The following STK32B variants were observed in gnomAD, a reference collection of about 807,000 sequenced individuals.
STK32B encodes serine/threonine-protein kinase 32B.
STK32B carries 43 observed loss-of-function variants against 52.6 expected under a neutral mutation model. The ratio of observed to expected loss-of-function variants is 0.82; its 90% CI spans 0.64 to 1.05. STK32B has a LOEUF of 1.05. Ranked by LOEUF, STK32B falls within the 50% of genes least tolerant of loss-of-function variation. STK32B has a pLI of 0.00. For synonymous variants in STK32B, 238 were observed against 204.3 expected, an observed-to-expected ratio of 1.17 and a Z score of -1.41; for missense variants, 621 against 534.6, an observed-to-expected ratio of 1.16 and a Z score of -1.59.
chr4:5,462,326 A>G (rs996120523), intron 9 of STK32B, among the ~76,000 whole-genome samples: 2 of 141,602 alleles, frequency 1.4e-5, no homozygotes, highest in Non-Finnish European at 3.0e-5. Flanking sequence ...GTGTGTCTGT[A>G]TGTCTATATG....
At position 5,435,434 on chromosome 4, in the gene STK32B, C is replaced by T. The variant is rs1163106096; in HGVS notation, c.563-11239C>T. On this transcript the variant is annotated intron_variant, in intron 6 of 11. Transcript: ENST00000282908. ...TCCTCAGTCCCAGCCTTTTCTGTGT[C>T]GTCCCAGAGCAACTCGCTCCTTCCT... Among the ~76,000 whole-genome samples, 7 of 152,142 alleles carry T rather than the reference C, an allele frequency of 4.6e-5. No individual in the cohort carries two copies. The East Asian group carries it at 5.8e-4, about 13-fold the overall frequency.
rs572511403 is a variant in STK32B, at chr4:5,374,921, C to G, written c.435-23286C>G. Among the ~76,000 whole-genome samples, 261 of 152,288 alleles carry G rather than the reference C, an allele frequency of 1.7e-3. 1 individual carries two copies. The highest frequency in any genetic ancestry group is 5.1e-3 in the African/African-American group (214 of 41,562). On this transcript the variant is annotated intron_variant, in intron 4 of 11. Transcript: ENST00000282908. ...ATGTCTGTTCTTTCTTCCCTAAAAG[C>G]GGAGATTAGCAAGCGTCCAAAGTTA...
chr4:5,036,660 T>A, the STK32B span, among the ~76,000 whole-genome samples: 2 of 28,924 alleles, frequency 6.9e-5, no homozygotes, highest in Non-Finnish European at 1.4e-4. Context: ...CAAGGGTGGA[T>A]TTTTTTTTTT....
intron 2 of STK32B, among the ~76,000 whole-genome samples, chr4:5,144,232 A>G (rs1716730418): frequency 6.6e-6 from 1 of 152,186 alleles, no homozygotes. Flanking sequence ...CCATTCATGC[A>G]TGCACTTTGA....
intron 6 of STK32B, among the ~76,000 whole-genome samples, chr4:5,420,564 C>A (rs1712541599): frequency 6.6e-6 from 1 of 152,130 alleles, no homozygotes; most frequent in Non-Finnish European, 1.5e-5. Context: ...ATGATGCAGA[C>A]TGGACATGTG....
chr4:5,068,580 A>T (rs1286190712), intron 1 of STK32B, among the ~76,000 whole-genome samples: 1 of 152,026 alleles, frequency 6.6e-6, no homozygotes, highest in African/African-American at 2.4e-5. Flanking sequence ...TTTCTGTATA[A>T]CTGAAAAGCT....
At chr4:5,486,566 C>T (rs181051835) in intron 11 of STK32B, among the ~76,000 whole-genome samples, 70 of 152,360 alleles carry the variant, frequency 4.6e-4, no homozygotes, top group African/African-American at 1.4e-3. Context: ...CTTTGGCTCA[C>T]GCTCGGTGCG....
chr4:5,303,710 A>G (rs954069902), intron 3 of STK32B, among the ~76,000 whole-genome samples: 2 of 151,710 alleles, frequency 1.3e-5, no homozygotes, highest in East Asian at 3.9e-4. Flanking sequence ...ATTTATCTCT[A>G]TTTTGTTGCA....
At chr4:5,321,012 T>G (rs548709964) in intron 3 of STK32B, among the ~76,000 whole-genome samples, 1 of 152,154 alleles carries the variant, frequency 6.6e-6, no homozygotes, top group African/African-American at 2.4e-5. Context: ...CAGAAGAGTA[T>G]GCACTGTGTA....
At chr4:5,183,074 A>G (rs1156236404) in intron 3 of STK32B, among the ~76,000 whole-genome samples, 1 of 152,172 alleles carries the variant, frequency 6.6e-6, no homozygotes, top group Non-Finnish European at 1.5e-5. Flanking sequence ...ATTTAGCAAA[A>G]TTCTTAAGGA....
chr4:5,352,688 T>C (rs1733910839), intron 4 of STK32B, among the ~76,000 whole-genome samples: 1 of 150,394 alleles, frequency 6.6e-6, no homozygotes, highest in Non-Finnish European at 1.5e-5. Flanking sequence ...TGATATGATA[T>C]CTAGAAAAAC....
intron 4 of STK32B, among the ~76,000 whole-genome samples, chr4:5,368,764 G>C (rs1013676023): frequency 6.6e-6 from 1 of 152,174 alleles, no homozygotes; most frequent in Admixed American, 6.5e-5. Context: ...AAACACCCCA[G>C]AAATCCACTG....
In STK32B at chr4:5,331,245, A is replaced by C; in HGVS notation, c.286A>C (p.Met96Leu). Residue 96 changes from methionine (M) to leucine (L), a missense_variant, in exon 4 of 12, where the codon ATG (methionine) becomes CTG (leucine). Transcript: ENST00000282908. ...LWYSFQDEED[M>L]FMVVDLLLGG... is the part of the protein sequence containing the mutation. ...GTACTCCTTCCAGGATGAGGAGGAC[A>C]TGTTCATGGTGGTGGACCTGCTCCT... is the stretch of plus-strand genomic sequence containing the variant. The C allele has an allele frequency of 6.2e-7, 1 of 1,613,446 alleles. No individual in the cohort carries two copies. The highest frequency in any genetic ancestry group is 8.5e-7 in the Non-Finnish European group (1 of 1,179,678).
intron 3 of STK32B, among the ~76,000 whole-genome samples, chr4:5,319,045 C>A (rs973816923): frequency 6.6e-6 from 1 of 152,084 alleles, no homozygotes; most frequent in Admixed American, 6.5e-5. Flanking sequence ...ACCTTGTGAT[C>A]CACCCGCCTT....
chr4:5,449,284 A>G (rs1397268794), intron 7 of STK32B, among the ~76,000 whole-genome samples: 1 of 152,206 alleles, frequency 6.6e-6, no homozygotes, highest in Non-Finnish European at 1.5e-5. Flanking sequence ...CGGAGGTTGC[A>G]GTGAGCCAAG....
At chr4:5,389,577 A>G (rs1454178965) in intron 4 of STK32B, among the ~76,000 whole-genome samples, 1 of 152,150 alleles carries the variant, frequency 6.6e-6, no homozygotes, top group African/African-American at 2.4e-5. Context: ...TAATGTCCCT[A>G]CTTTACGTTA....
At chr4:5,468,838 A>G (rs1309341972) in intron 11 of STK32B, among the ~76,000 whole-genome samples, 1 of 152,054 alleles carries the variant, frequency 6.6e-6, no homozygotes. Flanking sequence ...TGAGGCGGGC[A>G]GATCACGAGG....
chr4:5,139,159 T>C (rs928143970), intron 1 of STK32B, among the ~76,000 whole-genome samples: 1 of 152,096 alleles, frequency 6.6e-6, no homozygotes, highest in African/African-American at 2.4e-5. Flanking sequence ...AGAGACAACA[T>C]GGAGCTACCT....
intron 3 of STK32B, among the ~76,000 whole-genome samples, chr4:5,273,184 C>G (rs1231168553): frequency 7.0e-6 from 1 of 143,364 alleles, no homozygotes; most frequent in African/African-American, 2.6e-5. Context: ...GGGCGAAGGA[C>G]ATGAACAGAC....
Sources: allele counts gnomAD v4.1 joint callset (sites outside exome capture counted in the v4.1 genomes callset), GRCh38; gene constraint gnomAD v4.1.1; transcripts MANE v1.5; gene names NCBI Gene and HGNC (gene_info 2026-07-23, HGNC 2026-07-21).